The following RAB5A variants were observed in gnomAD, a reference collection of about 807,000 sequenced individuals.
The protein encoded by RAB5A is RAB5A, member RAS oncogene family.
In RAB5A, 8 loss-of-function variants were observed where a neutral mutation model predicts 25.7. That is an observed-to-expected ratio of 0.31 (90% CI 0.18 to 0.56). The LOEUF (loss-of-function observed/expected upper bound fraction) is 0.56, where lower values mean the gene tolerates loss of function less well. Among genes scored for constraint, RAB5A ranks in the 20% least tolerant of loss-of-function variants. RAB5A has a pLI of 0.91. For synonymous variants in RAB5A, 98 were observed against 89.8 expected (o/e 1.09, Z -0.52); for missense variants, 192 against 259.7 (o/e 0.74, Z 1.79).
chr3:19,958,793 CCACTG>C (rs1696542154), intron 2 of RAB5A, among the ~76,000 whole-genome samples: 1 of 152,126 alleles, frequency 6.6e-6, no homozygotes, highest in Non-Finnish European at 1.5e-5. Flanking sequence ...TGAGATCACA[CCACTG>C]CACTTCAACC....
intron 5 of RAB5A, chr3:19,978,725 G>A (rs1275935871): frequency 2.2e-5 from 4 of 180,278 alleles, no homozygotes; most frequent in Admixed American, 6.1e-5. Context: ...CAAAGGTTTC[G>A]CTGGGAAATT....
intron 2 of RAB5A, among the ~76,000 whole-genome samples, chr3:19,974,620 A>G (rs1369200505): frequency 6.6e-6 from 1 of 151,974 alleles, no homozygotes; most frequent in African/African-American, 2.4e-5. Flanking sequence ...CAATGTTTTA[A>G]AAAATAATAT....
At chr3:19,978,275 T>A in intron 4 of RAB5A, 35 bp from the exon 5 acceptor site, 1 of 1,349,138 alleles carries the variant, frequency 7.4e-7, no homozygotes, top group Admixed American at 1.7e-5. Flanking sequence ...CCAAGAGATA[T>A]ATCTCATATA....
rs148462533 is a variant in RAB5A, at chr3:19,952,132, C to T, written c.163+1071C>T. ...GGAGGCTGAGGCAGGATTATTTTAG[C>T]TTGGGAGTTCAAGTCTAGCCTGGGC... On this transcript the variant is annotated intron_variant, in intron 2 of 5. Transcript: ENST00000273047. 2.3e-4 allele frequency among the ~76,000 whole-genome samples: 35 copies of T among 152,208 alleles called. No individual in the cohort carries two copies. The East Asian group carries it at 5.2e-3, about 23-fold the overall frequency.
At chr3:19,954,809 C>T (rs1696475690) in intron 2 of RAB5A, among the ~76,000 whole-genome samples, 1 of 152,072 alleles carries the variant, frequency 6.6e-6, no homozygotes, top group South Asian at 2.1e-4. Flanking sequence ...CAGTGAGAAC[C>T]CTGTCTCAAA....
At chr3:19,957,108 T>G (rs1197063959) in intron 2 of RAB5A, among the ~76,000 whole-genome samples, 2 of 151,920 alleles carry the variant, frequency 1.3e-5, no homozygotes, top group African/African-American at 4.8e-5. Flanking sequence ...TTTTATTTTT[T>G]TGTAGGGACA....
chr3:19,959,407 C>T (rs143658377), intron 2 of RAB5A, among the ~76,000 whole-genome samples: 1 of 151,388 alleles, frequency 6.6e-6, no homozygotes, highest in Non-Finnish European at 1.5e-5. Flanking sequence ...AAAAATTAAG[C>T]CTAAATCTCC....
intron 2 of RAB5A, among the ~76,000 whole-genome samples, chr3:19,962,957 T>C (rs1337466155): frequency 6.6e-6 from 1 of 151,972 alleles, no homozygotes; most frequent in Non-Finnish European, 1.5e-5. Context: ...GGACTACAGG[T>C]ATGCACCAAC....
rs386396075 is a variant in RAB5A at position 19,969,045 on chromosome 3, G to GTTTTTTTTTTTTTTTTTTTTT, written c.164-6540_164-6539insTTTTTTTTTTTTTTTTTTTTT. On this transcript the variant is annotated intron_variant, in intron 2 of 5. Coordinates refer to ENST00000273047, the MANE Select transcript of RAB5A (RefSeq NM_004162.5). ...TTTTGGTTTTGGTTTTTTTTTTTTG[G>GTTTTTTTTTTTTTTTTTTTTT]TTTTTTTTTTTTTTTTGAGATGGAG... Among the ~76,000 whole-genome samples the GTTTTTTTTTTTTTTTTTTTTT allele has an allele frequency of 5.8e-5, 6 of 103,446 alleles. 1 individual carries two copies. The highest frequency in any genetic ancestry group is 5.2e-4 in the South Asian group (2 of 3,874). 67.9% of individuals were successfully genotyped at this position (103,446 alleles called of 152,430 possible).
intron 2 of RAB5A, among the ~76,000 whole-genome samples, chr3:19,969,577 T>C (rs1450673804): frequency 6.6e-6 from 1 of 152,252 alleles, no homozygotes; most frequent in East Asian, 1.9e-4. Context: ...CCCTTTGTTA[T>C]GGATGTTATG....
intron 4 of RAB5A, among the ~76,000 whole-genome samples, chr3:19,978,059 G>A (rs897195959): frequency 2.6e-5 from 4 of 152,308 alleles, no homozygotes; most frequent in East Asian, 1.9e-4. Flanking sequence ...CAGATTTAAT[G>A]TAAGAAAAGA....
At position 19,950,843 on chromosome 3, in the gene RAB5A, GA is replaced by G; in HGVS notation, c.-54del. ...CCAGAAAGAAGAATATTGGCCCCTT[GA>G]ATTCTGGAAGTTCATTGAAGAGTCT... On this transcript the variant is annotated 5_prime_UTR_variant, in exon 2 of 6. Coordinates refer to ENST00000273047, the MANE Select transcript of RAB5A (RefSeq NM_004162.5). 1 of 1,539,466 alleles carries G rather than the reference GA, an allele frequency of 6.5e-7. No homozygotes were observed. The highest frequency in any genetic ancestry group is 8.8e-7 in the Non-Finnish European group (1 of 1,136,310).
intron 2 of RAB5A, among the ~76,000 whole-genome samples, chr3:19,961,718 T>A (rs1457491988): frequency 6.6e-6 from 1 of 152,210 alleles, no homozygotes; most frequent in African/African-American, 2.4e-5. Context: ...CCCCCTCATC[T>A]TCTATCTAGC....
chr3:19,970,755 TGTA>T (rs1221706499), intron 2 of RAB5A: 23 of 313,722 alleles, frequency 7.3e-5, no homozygotes, highest in Middle Eastern at 6.3e-4. Flanking sequence ...ACAGTATTGA[TGTA>T]GTAGTTTTAT....
rs560850097 is a variant in RAB5A, at chr3:19,963,463, A to G, written c.164-12138A>G. ...CTAATAAAATTGTTTTGTAGGATCAAAAGAATTCTAATCTTCATCCTTTTT... is the reference window on the plus strand; with the variant it reads ...CTAATAAAATTGTTTTGTAGGATCAGAAGAATTCTAATCTTCATCCTTTTT... On this transcript the variant is annotated intron_variant, in intron 2 of 5. Coordinates refer to ENST00000273047, the MANE Select transcript of RAB5A (RefSeq NM_004162.5). 6.1e-5 allele frequency among the ~76,000 whole-genome samples: 9 copies of G among 148,504 alleles called. No individual in the cohort carries two copies. The East Asian group carries it at 1.4e-3, about 24-fold the overall frequency.
intron 4 of RAB5A, among the ~76,000 whole-genome samples, chr3:19,977,324 T>G (rs1164506227): frequency 6.6e-6 from 1 of 152,166 alleles, no homozygotes; most frequent in Admixed American, 6.5e-5. Context: ...TCCACCCGCC[T>G]CCGCCTCCAA....
intron 5 of RAB5A, among the ~76,000 whole-genome samples, chr3:19,983,241 C>G (rs1198086202): frequency 6.7e-6 from 1 of 150,274 alleles, no homozygotes; most frequent in Non-Finnish European, 1.5e-5. Context: ...GAGGCCAAGG[C>G]ACGAGAATCA....
intron 2 of RAB5A, among the ~76,000 whole-genome samples, chr3:19,957,443 G>C (rs1320668359): frequency 1.3e-5 from 2 of 150,392 alleles, no homozygotes; most frequent in East Asian, 1.9e-4. Context: ...AAAGTGGTCA[G>C]ATCGCTTGAG....
At chr3:19,968,901 A>C (rs1434268613) in intron 2 of RAB5A, among the ~76,000 whole-genome samples, 1 of 152,090 alleles carries the variant, frequency 6.6e-6, no homozygotes, top group Non-Finnish European at 1.5e-5. Flanking sequence ...AATTTTAGTG[A>C]GATTATTAGG....
Sources: gnomAD v4.1 joint callset for allele counts (sites outside exome capture counted in the v4.1 genomes callset) on GRCh38, gnomAD v4.1.1 for gene constraint, MANE v1.5 for transcripts, NCBI Gene and HGNC (gene_info 2026-07-23, HGNC 2026-07-21) for gene names.